MYO3B: variants seen among roughly 807,000 people sequenced by gnomAD.
The protein encoded by MYO3B is myosin IIIB.
Under a neutral mutation model 174.6 loss-of-function variants are expected in MYO3B, and 156 were observed. The ratio of observed to expected loss-of-function variants is 0.89; its 90% CI spans 0.78 to 1.02. The LOEUF (loss-of-function observed/expected upper bound fraction) is 1.02. Ranked by LOEUF, MYO3B falls within the 50% of genes least tolerant of loss-of-function variation. The probability of loss-of-function intolerance (pLI) is 0.00; values close to 1 mark genes in which losing one functional copy is unlikely to be tolerated. For synonymous variants in MYO3B, 563 were observed against 569.1 expected (o/e 0.99, Z 0.15); for missense variants, 1,632 against 1,639.4 (o/e 1.00, Z 0.08).
At chr2:170,445,810 A>T (rs938093451) in intron 23 of MYO3B, among the ~76,000 whole-genome samples, 7 of 152,066 alleles carry the variant, frequency 4.6e-5, no homozygotes, top group Middle Eastern at 3.4e-3. Flanking sequence ...ACTAAAAAAA[A>T]TTTTTTTTGT....
chr2:170,544,871 C>G (rs1690377744), intron 32 of MYO3B, among the ~76,000 whole-genome samples: 1 of 151,968 alleles, frequency 6.6e-6, no homozygotes, highest in Non-Finnish European at 1.5e-5. Context: ...CATAGGCAGA[C>G]AGTATTCAGG....
chr2:170,288,234 GT>G (rs35232763), intron 7 of MYO3B, among the ~76,000 whole-genome samples: 100,682 of 146,846 alleles, frequency 0.69, 36,653 homozygotes, highest in East Asian at 0.9. Flanking sequence ...TAAATTTTAG[GT>G]TTTTTTTTTT....
intron 8 of MYO3B, among the ~76,000 whole-genome samples, chr2:170,336,945 A>G (rs2093950747): frequency 6.6e-6 from 1 of 151,774 alleles, no homozygotes; most frequent in African/African-American, 2.4e-5. Context: ...GACCCCTGCT[A>G]AGAAAGACTG....
intron 7 of MYO3B, among the ~76,000 whole-genome samples, chr2:170,301,938 A>G (rs2105445949): frequency 7.2e-6 from 1 of 137,990 alleles, no homozygotes; most frequent in South Asian, 2.4e-4. Flanking sequence ...TGGCTTGATA[A>G]TTAGAGCCAG....
At chr2:170,523,974 A>G (rs1688837863) in intron 30 of MYO3B, among the ~76,000 whole-genome samples, 1 of 152,204 alleles carries the variant, frequency 6.6e-6, no homozygotes, top group East Asian at 1.9e-4. Context: ...GGTCTGCCTC[A>G]AGAGTCCTGG....
At chr2:170,303,114 T>C (rs928270420) in intron 7 of MYO3B, among the ~76,000 whole-genome samples, 3 of 152,214 alleles carry the variant, frequency 2.0e-5, no homozygotes, top group Non-Finnish European at 4.4e-5. Flanking sequence ...TCTTCCTTTA[T>C]GGCTTTATAG....
intron 30 of MYO3B, chr2:170,524,609 G>C (rs565600932): frequency 2.1e-5 from 8 of 380,390 alleles, no homozygotes; most frequent in African/African-American, 8.6e-5. Flanking sequence ...TCAGCCTCCC[G>C]AGTAGCTGGG....
At chr2:170,354,437 ATT>A (rs1313670117) in intron 8 of MYO3B, among the ~76,000 whole-genome samples, 6 of 152,208 alleles carry the variant, frequency 3.9e-5, no homozygotes, top group Admixed American at 2.0e-4. Flanking sequence ...ATGTCAGTGA[ATT>A]AACAGTGGCT....
At chr2:170,384,027 C>G (rs927208244) in intron 12 of MYO3B, 3 of 506,954 alleles carry the variant, frequency 5.9e-6, no homozygotes, top group African/African-American at 1.9e-5. Context: ...AAACATAAAA[C>G]AGTCACATGA....
At chr2:170,626,187 C>T (rs577062538) in intron 32 of MYO3B, among the ~76,000 whole-genome samples, 3 of 151,846 alleles carry the variant, frequency 2.0e-5, no homozygotes, top group African/African-American at 7.3e-5. Flanking sequence ...GTGTGGGAGT[C>T]TAAGTCTCTT....
At chr2:170,506,557 T>A (rs912884862) in intron 28 of MYO3B, among the ~76,000 whole-genome samples, 1 of 152,208 alleles carries the variant, frequency 6.6e-6, no homozygotes, top group African/African-American at 2.4e-5. Flanking sequence ...GAGATTTAAT[T>A]TGGGGCTTCA....
chr2:170,517,872 G>A (rs182865883), intron 29 of MYO3B, among the ~76,000 whole-genome samples: 62 of 151,914 alleles, frequency 4.1e-4, no homozygotes, highest in Admixed American at 3.7e-3. Context: ...CGGAGAAAAG[G>A]CAGTGGGGGA....
chr2:170,245,144 A>G (rs1423049911), intron 7 of MYO3B, among the ~76,000 whole-genome samples: 1 of 152,166 alleles, frequency 6.6e-6, no homozygotes, highest in Non-Finnish European at 1.5e-5. Flanking sequence ...ATTGGAGGAC[A>G]TTGGCAGCCT....
intron 32 of MYO3B, among the ~76,000 whole-genome samples, chr2:170,639,090 A>G (rs999391277): frequency 3.9e-5 from 6 of 152,314 alleles, no homozygotes; most frequent in African/African-American, 1.2e-4. Flanking sequence ...AGTAAAACCA[A>G]CACTATCTGG....
chr2:170,231,175 G>A (rs1288464581), intron 6 of MYO3B, among the ~76,000 whole-genome samples: 2 of 152,236 alleles, frequency 1.3e-5, no homozygotes, highest in Admixed American at 6.5e-5. Context: ...GAGAGGGGAG[G>A]TGTTCCCTCT....
intron 25 of MYO3B, among the ~76,000 whole-genome samples, chr2:170,467,170 G>C (rs945173492): frequency 6.6e-6 from 1 of 152,098 alleles, no homozygotes; most frequent in Non-Finnish European, 1.5e-5. Context: ...TATCTCATTT[G>C]ATCCATAGAA....
intron 7 of MYO3B, among the ~76,000 whole-genome samples, chr2:170,249,996 A>G (rs2105328093): frequency 1.3e-5 from 2 of 152,352 alleles, no homozygotes; most frequent in South Asian, 2.1e-4. Flanking sequence ...CAGCCACTTG[A>G]GGTTTAGAAC....
At chr2:170,370,840 T>C (rs2094237126) in intron 9 of MYO3B, among the ~76,000 whole-genome samples, 1 of 152,182 alleles carries the variant, frequency 6.6e-6, no homozygotes, top group Admixed American at 6.5e-5. Flanking sequence ...TGCCAAGCTA[T>C]CTGGATTTTC....
intron 7 of MYO3B, among the ~76,000 whole-genome samples, chr2:170,262,306 G>A (rs1431684777): frequency 1.3e-5 from 2 of 152,136 alleles, no homozygotes; most frequent in South Asian, 2.1e-4. Flanking sequence ...GGTGAGAGAC[G>A]GGGCTAGATG....
Sources: gnomAD v4.1 joint callset for allele counts (sites outside exome capture counted in the v4.1 genomes callset) on GRCh38, gnomAD v4.1.1 for gene constraint, MANE v1.5 for transcripts, NCBI Gene and HGNC (gene_info 2026-07-23, HGNC 2026-07-21) for gene names.